The following FAM20A variants were observed in gnomAD, a reference collection of about 807,000 sequenced individuals.
FAM20A encodes the protein pseudokinase FAM20A.
A neutral mutation model predicts 52.0 loss-of-function variants in FAM20A; 42 were observed. That is an observed-to-expected ratio of 0.81 (90% CI 0.63 to 1.04). The LOEUF is 1.04. Among genes scored for constraint, FAM20A ranks in the 50% least tolerant of loss-of-function variants. The pLI is 0.00. For missense variants in FAM20A, 742 were observed against 712.7 expected (o/e 1.04, Z -0.47); for synonymous variants, 304 against 298.9 (o/e 1.02, Z -0.18).
chr17:68,552,029 C>G (rs1417267296), intron 3 of FAM20A, 78 bp from the exon 4 acceptor site: 1 of 912,130 alleles, frequency 1.1e-6, no homozygotes. Context: ...TTCAATAAGC[C>G]CAGCTGACTT....
intron 1 of FAM20A, chr17:68,582,679 T>C (rs2088042421): frequency 6.6e-6 from 1 of 152,282 alleles, no homozygotes; most frequent in Admixed American, 6.6e-5. Flanking sequence ...CAGCCACCTC[T>C]TGGGGTCCAG....
rs911243387 is a variant in FAM20A at position 68,600,748 on chromosome 17, AGGTGCCT to A, written c.-89_-83del. 4.0e-5 allele frequency: 57 copies of A among 1,422,212 alleles called. No homozygotes were observed. In the African/African-American group the frequency reaches 7.8e-4, roughly 19 times the overall value. 88.1% of individuals were successfully genotyped at this position (1,422,212 alleles called of 1,614,324 possible). On this transcript the variant is annotated 5_prime_UTR_variant, in exon 1 of 11. Transcript: ENST00000592554. This position sits in a 1 kb window ranked among gnomAD's most constrained non-coding sequence, Gnocchi z 6.2. ...AGGGGTCGCGGGGTGCGGGCAGAAG[AGGTGCCT>A]GGAGTCCCGCGGGTGGGCCGGGGTC...
At chr17:68,539,127 A>T (rs1167771312) in intron 10 of FAM20A, among the ~76,000 whole-genome samples, 1 of 152,164 alleles carries the variant, frequency 6.6e-6, no homozygotes, top group Non-Finnish European at 1.5e-5. Context: ...CATATTATTA[A>T]TCTTATGAGA....
At chr17:68,539,496 G>T in intron 9 of FAM20A, 100 bp from the exon 10 acceptor site, 1 of 1,093,710 alleles carries the variant, frequency 9.1e-7, no homozygotes. Context: ...CAGAGATTGG[G>T]GTAAAATGCC....
In FAM20A at chr17:68,600,939, CG is replaced by C. The variant is rs2088608038; in HGVS notation, c.-274del. ...GAGGGAATGGGGTTCCCGGGGTGCCCGCTTCTTGCGCCTTTTCTCCCGTGCG... is the reference window on the plus strand; with the variant it reads ...GAGGGAATGGGGTTCCCGGGGTGCCCCTTCTTGCGCCTTTTCTCCCGTGCG... On this transcript the variant is annotated 5_prime_UTR_variant, in exon 1 of 11. Coordinates refer to ENST00000592554, the MANE Select transcript of FAM20A (RefSeq NM_017565.4). The surrounding 1 kb of genome is among the most constrained non-coding windows in gnomAD (Gnocchi z 6.2). 2.6e-6 allele frequency: 1 copy of C among 391,712 alleles called. No homozygotes were observed. Among genetic ancestry groups the C allele is most frequent in the African/African-American group, 2.1e-5 (1 of 47,830 alleles). 24.3% of individuals were successfully genotyped at this position (391,712 alleles called of 1,614,324 possible).
Position 68,575,549 on chromosome 17 carries a change from A to G in FAM20A, c.405-19806T>C, listed in dbSNP as rs1244139137. Among the ~76,000 whole-genome samples the G allele has an allele frequency of 3.7e-5, 4 of 109,436 alleles. No individual in the cohort carries two copies. In the East Asian group the frequency reaches 8.7e-4, roughly 24 times the overall value. 71.8% of individuals were successfully genotyped at this position (109,436 alleles called of 152,430 possible). A position where few individuals can be genotyped will look rare whatever the true frequency, so the allele number is the denominator to read the frequency against. ...ATATAATATATATTTTATATATTATATAATATATATTTTATATATTATATA... is the reference window on the plus strand; with the variant it reads ...ATATAATATATATTTTATATATTATGTAATATATATTTTATATATTATATA... On this transcript the variant is annotated intron_variant, in intron 1 of 10. Transcript: ENST00000592554.
intron 1 of FAM20A, among the ~76,000 whole-genome samples, chr17:68,597,236 ATC>A (rs2088478586): frequency 2.0e-5 from 3 of 151,212 alleles, no homozygotes; most frequent in Non-Finnish European, 2.9e-5. Flanking sequence ...AAAAAAAAAA[ATC>A]ACTCAGACTA....
chr17:68,564,246 G>C (rs1188314698), intron 1 of FAM20A, among the ~76,000 whole-genome samples: 1 of 152,208 alleles, frequency 6.6e-6, no homozygotes, highest in Non-Finnish European at 1.5e-5. Flanking sequence ...CTGAGCTTCA[G>C]TTTAGCTGTT....
chr17:68,573,725 C>G (rs1272839263), intron 1 of FAM20A, among the ~76,000 whole-genome samples: 1 of 151,394 alleles, frequency 6.6e-6, no homozygotes, highest in Non-Finnish European at 1.5e-5. Flanking sequence ...GTCGCCCAAG[C>G]TGGAGTGCAG....
intron 1 of FAM20A, among the ~76,000 whole-genome samples, chr17:68,575,748 A>T (rs1471601334): frequency 2.4e-5 from 3 of 122,904 alleles, no homozygotes; most frequent in African/African-American, 9.2e-5. Context: ...TATTTTATAT[A>T]TTATATATAT....
chr17:68,556,641 A>G (rs114361613), intron 1 of FAM20A, among the ~76,000 whole-genome samples: 3,365 of 152,164 alleles, frequency 0.022, 143 homozygotes, highest in African/African-American at 0.077. Flanking sequence ...CAACATGAGC[A>G]CTTTGAGAGG....
At chr17:68,577,010 C>G (rs1244098889) in intron 1 of FAM20A, among the ~76,000 whole-genome samples, 1 of 152,226 alleles carries the variant, frequency 6.6e-6, no homozygotes, top group African/African-American at 2.4e-5. Flanking sequence ...TCCCCAGAGT[C>G]CAGTCAGGGA....
Position 68,552,928 on chromosome 17 carries a change from G to C in FAM20A, c.641-977C>G, listed in dbSNP as rs1361502932. Among the ~76,000 whole-genome samples the C allele has an allele frequency of 3.7e-5, 4 of 107,148 alleles. 1 individual carries two copies. The highest frequency in any genetic ancestry group is 8.6e-5 in the Non-Finnish European group (4 of 46,642). 70.3% of individuals were successfully genotyped at this position (107,148 alleles called of 152,430 possible). A position where few individuals can be genotyped will look rare whatever the true frequency, so the allele number is the denominator to read the frequency against. On this transcript the variant is annotated intron_variant, in intron 3 of 10. Coordinates refer to ENST00000592554, the MANE Select transcript of FAM20A (RefSeq NM_017565.4). ...GATCTCCTGACCTCATGATCCACCC[G>C]CCTCGGCCTCCCAAAGTGCTGGGAT...
At position 68,535,124 on chromosome 17, in the gene FAM20A, A is replaced by G. The variant is rs1457202943; in HGVS notation, c.*2353T>C. 2.7e-6 allele frequency: 1 copy of G among 369,280 alleles called. No individual in the cohort carries two copies. Among genetic ancestry groups the G allele is most frequent in the Non-Finnish European group, 5.3e-6 (1 of 189,956 alleles). 22.9% of individuals were successfully genotyped at this position (369,280 alleles called of 1,614,324 possible). ...AGTAACTTGAAAAGTTCTCAGAGTC[A>G]AGAGACTTTTTATTTCATGGGAGGT... On this transcript the variant is annotated 3_prime_UTR_variant, in exon 11 of 11. Coordinates refer to ENST00000592554, the MANE Select transcript of FAM20A (RefSeq NM_017565.4).
rs538464090 is a variant in FAM20A, at chr17:68,552,172, G to A, written c.641-221C>T. Reference sequence around the variant, plus strand: ...GACAGTACTTTTTACTTTGGGAGGTGAAGGCGGGAGGATCGCTTGAGCCCA... The same window carrying A: ...GACAGTACTTTTTACTTTGGGAGGTAAAGGCGGGAGGATCGCTTGAGCCCA... On this transcript the variant is annotated intron_variant, in intron 3 of 10. Coordinates refer to ENST00000592554, the MANE Select transcript of FAM20A (RefSeq NM_017565.4). Among the ~76,000 whole-genome samples the A allele has an allele frequency of 3.9e-5, 6 of 152,150 alleles. No individual in the cohort carries two copies. The East Asian group carries it at 9.7e-4, about 25-fold the overall frequency.
chr17:68,539,206 G>A (rs2086186467), intron 10 of FAM20A, 131 bp downstream of exon 10: 3 of 793,686 alleles, frequency 3.8e-6, no homozygotes, highest in African/African-American at 3.4e-5. Flanking sequence ...AGGAAATAAG[G>A]TGATTCATGT....
At chr17:68,551,724 T>TATCATC (rs1555823652) in intron 4 of FAM20A, 149 bp downstream of exon 4, 3 of 293,762 alleles carry the variant, frequency 1.0e-5, no homozygotes, top group Non-Finnish European at 1.9e-5. Context: ...TTATTATTAT[T>TATCATC]ATCACCCCAA....
At chr17:68,583,834 G>A (rs1361642894) in intron 1 of FAM20A, among the ~76,000 whole-genome samples, 1 of 151,832 alleles carries the variant, frequency 6.6e-6, no homozygotes, top group African/African-American at 2.4e-5. Flanking sequence ...ACCAGGAGGT[G>A]GAGATCGTGC....
intron 1 of FAM20A, among the ~76,000 whole-genome samples, chr17:68,575,607 A>G (rs1340517072): frequency 1.8e-5 from 2 of 110,182 alleles, no homozygotes; most frequent in Non-Finnish European, 3.4e-5. Flanking sequence ...TATATATAAT[A>G]TATTCTATAT....
Sources: gnomAD v4.1 joint callset for allele counts (sites outside exome capture counted in the v4.1 genomes callset) on GRCh38, gnomAD v4.1.1 for gene constraint, Gnocchi (gnomAD v3.1) non-coding constraint, MANE v1.5 for transcripts, NCBI Gene and HGNC (gene_info 2026-07-23, HGNC 2026-07-21) for gene names.